TIAM1: variants seen among roughly 807,000 people sequenced by gnomAD.
The protein encoded by TIAM1 is TIAM Rac1 associated GEF 1, also known as rho guanine nucleotide exchange factor TIAM1.
A neutral mutation model predicts 163.5 loss-of-function variants in TIAM1; 65 were observed. The observed-to-expected ratio is 0.40, with a 90% CI of 0.33 to 0.49. The LOEUF is 0.49. TIAM1 is among the 20% of genes least tolerant of loss of function. The pLI, the probability that TIAM1 is intolerant of heterozygous loss-of-function variation, is 0.77. For synonymous variants in TIAM1, 833 were observed against 810.1 expected, an observed-to-expected ratio of 1.03 and a Z score of -0.48; for missense variants, 1,789 against 2,044.7, an observed-to-expected ratio of 0.87 and a Z score of 2.41.
chr21:31,231,398 AT>A (rs1569075056), intron 6 of TIAM1, among the ~76,000 whole-genome samples: 1 of 152,088 alleles, frequency 6.6e-6, no homozygotes, highest in East Asian at 1.9e-4. Flanking sequence ...CCATAATCTG[AT>A]ATGTTCTGTG....
chr21:31,495,291 G>T (rs1313104673), intron 1 of TIAM1, among the ~76,000 whole-genome samples: 3 of 152,202 alleles, frequency 2.0e-5, no homozygotes, highest in African/African-American at 4.8e-5. Context: ...CGGAGGCTGG[G>T]AAGTCCAAGA....
chr21:31,476,936 G>C (rs1043001521), intron 1 of TIAM1, among the ~76,000 whole-genome samples: 4 of 152,172 alleles, frequency 2.6e-5, no homozygotes, highest in African/African-American at 9.7e-5. Context: ...TTTTGCTCTA[G>C]ATACTTTCTG....
At chr21:31,223,340 T>A (rs1601609124) in intron 8 of TIAM1, 66 bp downstream of exon 8, 1 of 1,498,598 alleles carries the variant, frequency 6.7e-7, no homozygotes, top group East Asian at 2.3e-5. Flanking sequence ...GAGACTCTTG[T>A]CAAGTCCTGC....
chr21:31,376,479 A>G (rs2076689970), intron 2 of TIAM1, among the ~76,000 whole-genome samples: 1 of 152,166 alleles, frequency 6.6e-6, no homozygotes, highest in South Asian at 2.1e-4. Flanking sequence ...TATGCGTGCT[A>G]ATGAAGGCAA....
chr21:31,185,537 T>C (rs2085253777), intron 14 of TIAM1, among the ~76,000 whole-genome samples: 1 of 142,990 alleles, frequency 7.0e-6, no homozygotes, highest in Non-Finnish European at 1.5e-5. Context: ...TAATATATTA[T>C]GCCATTATAT....
intron 2 of TIAM1, among the ~76,000 whole-genome samples, chr21:31,364,179 A>T (rs1030853999): frequency 6.6e-6 from 1 of 152,234 alleles, no homozygotes; most frequent in African/African-American, 2.4e-5. Context: ...CTGCATGGTG[A>T]GCTTCATAGT....
chr21:31,392,674 T>C (rs1327535261), intron 2 of TIAM1, among the ~76,000 whole-genome samples: 2 of 151,432 alleles, frequency 1.3e-5, no homozygotes, highest in South Asian at 2.1e-4. Flanking sequence ...ACCTCCAATA[T>C]TGGAGGTGGG....
intron 12 of TIAM1, among the ~76,000 whole-genome samples, chr21:31,197,703 C>G (rs2085949612): frequency 6.6e-6 from 1 of 152,162 alleles, no homozygotes; most frequent in African/African-American, 2.4e-5. Context: ...GATCTATCAT[C>G]AAGACAATAA....
chr21:31,327,940 A>G (rs2075550224), intron 2 of TIAM1, among the ~76,000 whole-genome samples: 1 of 151,882 alleles, frequency 6.6e-6, no homozygotes, highest in South Asian at 2.1e-4. Context: ...TTCCCATCTC[A>G]CCAGCAGTCC....
upstream of TIAM1, among the ~76,000 whole-genome samples, chr21:31,347,829 G>C (rs561004489): frequency 6.9e-6 from 1 of 145,772 alleles, no homozygotes; most frequent in East Asian, 1.9e-4. Flanking sequence ...CGAACGTTCA[G>C]AGAAACTGCA....
intron 1 of TIAM1, among the ~76,000 whole-genome samples, chr21:31,511,916 T>C (rs2047222617): frequency 6.6e-6 from 1 of 151,938 alleles, no homozygotes; most frequent in Admixed American, 6.6e-5. Flanking sequence ...CAGGCAGAAA[T>C]AGACAAGAGA....
chr21:31,544,426 C>A (rs1054920537), intron 1 of TIAM1, among the ~76,000 whole-genome samples: 1 of 143,898 alleles, frequency 6.9e-6, no homozygotes, highest in African/African-American at 2.5e-5. Context: ...CGAAGGAGTT[C>A]AAGAGCAGCC....
At chr21:31,521,358 C>A (rs2047577059) in intron 1 of TIAM1, among the ~76,000 whole-genome samples, 1 of 152,156 alleles carries the variant, frequency 6.6e-6, no homozygotes, top group Non-Finnish European at 1.5e-5. Flanking sequence ...TTCCAGCAGT[C>A]ATTAGCTGCA....
At chr21:31,175,238 C>G (rs970100183) in intron 15 of TIAM1, among the ~76,000 whole-genome samples, 1 of 152,314 alleles carries the variant, frequency 6.6e-6, no homozygotes, top group African/African-American at 2.4e-5. Flanking sequence ...CCACAACGAA[C>G]GCTTGGCCTC....
chr21:31,324,311 C>T (rs185737537), intron 2 of TIAM1, among the ~76,000 whole-genome samples: 3 of 152,114 alleles, frequency 2.0e-5, no homozygotes, highest in East Asian at 3.9e-4. Context: ...TTAGATGGCA[C>T]CACTGCACTC....
At chr21:31,223,926 T>C (rs2087777206) in intron 7 of TIAM1, among the ~76,000 whole-genome samples, 1 of 152,110 alleles carries the variant, frequency 6.6e-6, no homozygotes, top group African/African-American at 2.4e-5. Context: ...CAAAGAACTA[T>C]ATGACTTAAC....
At chr21:31,134,072 A>G (rs771041713) in intron 23 of TIAM1, among the ~76,000 whole-genome samples, 1 of 152,176 alleles carries the variant, frequency 6.6e-6, no homozygotes, top group Non-Finnish European at 1.5e-5. Flanking sequence ...ATCCCCCCAG[A>G]AAAACCAAAA....
intron 15 of TIAM1, among the ~76,000 whole-genome samples, chr21:31,167,607 A>C (rs1439010497): frequency 6.6e-6 from 1 of 152,166 alleles, no homozygotes; most frequent in Non-Finnish European, 1.5e-5. Context: ...TCAATCCCCA[A>C]GCCCTAAAAC....
intron 13 of TIAM1, among the ~76,000 whole-genome samples, chr21:31,188,666 C>G (rs1043109500): frequency 6.6e-6 from 1 of 152,188 alleles, no homozygotes; most frequent in African/African-American, 2.4e-5. Context: ...CTTCAAACTC[C>G]TGGATTCAGA....
Sources: allele counts gnomAD v4.1 joint callset (sites outside exome capture counted in the v4.1 genomes callset), GRCh38; gene constraint gnomAD v4.1.1; transcripts MANE v1.5; gene names NCBI Gene and HGNC (gene_info 2026-07-23, HGNC 2026-07-21).